Variants in STPG2 observed in about 807,000 individuals in gnomAD.
STPG2 encodes sperm-tail PG-rich repeat-containing protein 2.
In STPG2, 56 loss-of-function variants were observed where a neutral mutation model predicts 54.2. That is an observed-to-expected ratio of 1.03 (90% confidence interval 0.83 to 1.29). STPG2 has a LOEUF of 1.29. Among genes scored for constraint, STPG2 ranks in the 50% most tolerant of loss-of-function variants. STPG2 has a pLI of 0.00. For missense variants in STPG2, 596 were observed against 544.9 expected (o/e 1.09, Z -0.93); for synonymous variants, 200 against 181.8 (o/e 1.10, Z -0.81).
chr4:97,653,683 T>C (rs575250761), intron 10 of STPG2, among the ~76,000 whole-genome samples: 2 of 152,234 alleles, frequency 1.3e-5, no homozygotes, highest in South Asian at 4.1e-4. Flanking sequence ...AATTATGTTA[T>C]TGATAATGGA....
At chr4:97,738,565 G>T (rs566661673) in intron 9 of STPG2, among the ~76,000 whole-genome samples, 1 of 152,154 alleles carries the variant, frequency 6.6e-6, no homozygotes, top group Non-Finnish European at 1.5e-5. Flanking sequence ...TCCAATCCTA[G>T]TCTCTGATAA....
rs189424693 is a variant in STPG2, at chr4:97,864,227, G to A, written c.1045-23295C>T. 7.4e-4 allele frequency among the ~76,000 whole-genome samples: 112 copies of A among 152,314 alleles called. 4 individuals are homozygous for A. The East Asian group carries it at 0.02, about 27-fold the overall frequency. The stretch of plus-strand genomic sequence containing the variant: ...TTGACTCAGCCCAAAATCTACTTAA[G>A]CTGATAAGCAACTTCAGCAAAGTCT... On this transcript the variant is annotated intron_variant, in intron 8 of 10. Coordinates refer to ENST00000295268, the MANE Select transcript of STPG2 (RefSeq NM_174952.3).
chr4:97,733,416 T>A (rs1429481896), intron 9 of STPG2, among the ~76,000 whole-genome samples: 1 of 152,142 alleles, frequency 6.6e-6, no homozygotes, highest in African/African-American at 2.4e-5. Flanking sequence ...CAGAGTGATA[T>A]AATGCACTTT....
intron 8 of STPG2, among the ~76,000 whole-genome samples, chr4:97,937,324 T>C (rs964654781): frequency 4.6e-5 from 7 of 152,132 alleles, no homozygotes; most frequent in Admixed American, 2.0e-4. Flanking sequence ...GGTTAGAACA[T>C]GCTCCTTTAC....
At chr4:97,959,281 AACAG>A (rs1244560377) in intron 7 of STPG2, among the ~76,000 whole-genome samples, 1 of 152,132 alleles carries the variant, frequency 6.6e-6, no homozygotes, top group African/African-American at 2.4e-5. Context: ...AAAGAGCACA[AACAG>A]ACAATCTAAG....
At chr4:97,921,786 T>A (rs1578693012) in intron 8 of STPG2, among the ~76,000 whole-genome samples, 1 of 152,196 alleles carries the variant, frequency 6.6e-6, no homozygotes, top group African/African-American at 2.4e-5. Context: ...AGGCTAAGTG[T>A]TCATCAACGG....
intron 5 of STPG2, among the ~76,000 whole-genome samples, chr4:98,073,883 T>C (rs1469057761): frequency 2.6e-5 from 4 of 152,280 alleles, no homozygotes; most frequent in Middle Eastern, 3.4e-3. Context: ...TCACTGCTTA[T>C]AAGAGAAAAA....
intron 8 of STPG2, among the ~76,000 whole-genome samples, chr4:97,907,469 T>A (rs1731481097): frequency 6.6e-6 from 1 of 152,068 alleles, no homozygotes. Context: ...TTCAATGCCA[T>A]CCCCATCAAG....
intron 9 of STPG2, among the ~76,000 whole-genome samples, chr4:97,793,878 T>C (rs1560530509): frequency 6.6e-6 from 1 of 152,040 alleles, no homozygotes; most frequent in Non-Finnish European, 1.5e-5. Context: ...GGTGGAGATG[T>C]AGAATTGTGG....
intron 5 of STPG2, among the ~76,000 whole-genome samples, chr4:98,099,294 G>C (rs1045485751): frequency 6.6e-6 from 1 of 152,110 alleles, no homozygotes; most frequent in African/African-American, 2.4e-5. Context: ...ACAAAAGAAT[G>C]AGATTCTGTC....
intron 7 of STPG2, among the ~76,000 whole-genome samples, chr4:97,969,883 C>T (rs536885458): frequency 8.8e-4 from 134 of 152,306 alleles, no homozygotes; most frequent in Middle Eastern, 3.4e-3. Context: ...CCCCTGTTTG[C>T]AGATGACATG....
intron 10 of STPG2, among the ~76,000 whole-genome samples, chr4:97,560,900 C>A (rs577243798): frequency 1.3e-5 from 2 of 151,808 alleles, no homozygotes; most frequent in Non-Finnish European, 2.9e-5. Context: ...AGAAATGACC[C>A]CAATAAACGT....
At chr4:98,087,313 A>T (rs1738548921) in intron 5 of STPG2, among the ~76,000 whole-genome samples, 1 of 152,184 alleles carries the variant, frequency 6.6e-6, no homozygotes, top group Non-Finnish European at 1.5e-5. Flanking sequence ...CTTAAGAATG[A>T]CTAAAATAAT....
At chr4:98,029,146 G>T (rs145407177) in intron 5 of STPG2, among the ~76,000 whole-genome samples, 1 of 151,980 alleles carries the variant, frequency 6.6e-6, no homozygotes, top group Non-Finnish European at 1.5e-5. Flanking sequence ...AGAAATATGC[G>T]TATTATGCAT....
chr4:97,500,038 T>C (rs542123458), intron 4 of STPG2, among the ~76,000 whole-genome samples: 2 of 152,062 alleles, frequency 1.3e-5, no homozygotes, highest in South Asian at 4.1e-4. Context: ...ATATTTTAAT[T>C]GGGCCATTCT....
intron 5 of STPG2, among the ~76,000 whole-genome samples, chr4:98,015,377 T>C (rs1023264840): frequency 2.6e-5 from 4 of 151,600 alleles, no homozygotes; most frequent in South Asian, 2.1e-4. Flanking sequence ...AACAAACAAC[T>C]CCATCAAAAA....
At chr4:98,113,305 G>A (rs1315041984) in intron 3 of STPG2, among the ~76,000 whole-genome samples, 1 of 151,954 alleles carries the variant, frequency 6.6e-6, no homozygotes, top group Non-Finnish European at 1.5e-5. Flanking sequence ...AGCCCCCAGG[G>A]ATGTCTAGAA....
At chr4:97,443,161 T>C (rs1483004997) in intron 4 of STPG2, among the ~76,000 whole-genome samples, 1 of 152,144 alleles carries the variant, frequency 6.6e-6, no homozygotes, top group African/African-American at 2.4e-5. Flanking sequence ...GAGGCAGGTG[T>C]AATACTGAAG....
intron 5 of STPG2, among the ~76,000 whole-genome samples, chr4:98,027,442 C>T (rs546802430): frequency 2.0e-5 from 3 of 152,242 alleles, no homozygotes; most frequent in South Asian, 4.2e-4. Context: ...ATCTCATCAG[C>T]TCAAAGAACC....
Sources: allele counts gnomAD v4.1 joint callset (sites outside exome capture counted in the v4.1 genomes callset), GRCh38; gene constraint gnomAD v4.1.1; transcripts MANE v1.5; gene names NCBI Gene and HGNC (gene_info 2026-07-23, HGNC 2026-07-21).